Variants in CNTNAP5 observed in about 807,000 individuals in gnomAD.
CNTNAP5 encodes the protein contactin associated protein family member 5, also known as contactin-associated protein-like 5.
CNTNAP5 carries 72 observed loss-of-function variants against 150.2 expected under a neutral mutation model. That is an observed-to-expected ratio of 0.48 (90% CI 0.40 to 0.58). The LOEUF (loss-of-function observed/expected upper bound fraction) is 0.58. CNTNAP5 is among the 20% of genes least tolerant of loss of function. The pLI, the probability that CNTNAP5 is intolerant of heterozygous loss-of-function variation, is 0.00. For synonymous variants in CNTNAP5, 672 were observed against 619.8 expected, an observed-to-expected ratio of 1.08 and a Z score of -1.25; for missense variants, 1,636 against 1,626.2, an observed-to-expected ratio of 1.01 and a Z score of -0.10.
intron 1 of CNTNAP5, among the ~76,000 whole-genome samples, chr2:124,099,602 G>T (rs1196576453): frequency 6.6e-6 from 1 of 152,138 alleles, no homozygotes; most frequent in South Asian, 2.1e-4. Flanking sequence ...TTCTCGCATT[G>T]CCATAAAGAA....
At chr2:124,489,756 A>G (rs560537489) in intron 7 of CNTNAP5, among the ~76,000 whole-genome samples, 20 of 152,162 alleles carry the variant, frequency 1.3e-4, no homozygotes, top group East Asian at 1.9e-4. Context: ...GAGAGTCCCA[A>G]TAGGCTGCTG....
chr2:124,539,555 G>T (rs562084115), intron 10 of CNTNAP5, among the ~76,000 whole-genome samples: 1 of 152,258 alleles, frequency 6.6e-6, no homozygotes, highest in East Asian at 1.9e-4. Context: ...TCACTTCTTT[G>T]TATCTTAGCT....
intron 19 of CNTNAP5, among the ~76,000 whole-genome samples, chr2:124,799,470 C>T (rs1404590071): frequency 6.6e-6 from 1 of 152,170 alleles, no homozygotes; most frequent in East Asian, 1.9e-4. Flanking sequence ...AAGAATACAA[C>T]TTTCTTCCCT....
intron 13 of CNTNAP5, among the ~76,000 whole-genome samples, chr2:124,672,910 T>A (rs1678853379): frequency 6.6e-6 from 1 of 151,402 alleles, no homozygotes; most frequent in African/African-American, 2.4e-5. Flanking sequence ...TAATTAGAAG[T>A]GACTAAAAAG....
intron 13 of CNTNAP5, among the ~76,000 whole-genome samples, chr2:124,731,297 T>C (rs1047868693): frequency 1.3e-5 from 2 of 152,150 alleles, no homozygotes; most frequent in Non-Finnish European, 2.9e-5. Context: ...ACTTGATGCA[T>C]GTAGGTATTT....
At chr2:124,648,057 C>T in intron 13 of CNTNAP5, 99 bp downstream of exon 13, 2 of 1,036,154 alleles carry the variant, frequency 1.9e-6, no homozygotes, top group Non-Finnish European at 2.8e-6. Flanking sequence ...GCTATAGTTA[C>T]AGTTAGTCAC....
intron 1 of CNTNAP5, among the ~76,000 whole-genome samples, chr2:124,026,853 C>T (rs895493127): frequency 1.3e-5 from 2 of 152,148 alleles, no homozygotes; most frequent in Non-Finnish European, 1.5e-5. Context: ...ACCTTTCTAC[C>T]TCACTCTCCA....
chr2:124,396,335 C>T (rs1429182630), intron 3 of CNTNAP5, among the ~76,000 whole-genome samples: 1 of 152,092 alleles, frequency 6.6e-6, no homozygotes, highest in Non-Finnish European at 1.5e-5. Context: ...GCGTTAATTC[C>T]CTGCATTCGA....
intron 1 of CNTNAP5, among the ~76,000 whole-genome samples, chr2:124,197,483 T>C (rs1345132602): frequency 3.9e-5 from 6 of 152,224 alleles, no homozygotes; most frequent in Non-Finnish European, 8.8e-5. Context: ...ATTTATTTTA[T>C]TGGATATTTG....
At chr2:124,677,708 G>A (rs1678976279) in intron 13 of CNTNAP5, among the ~76,000 whole-genome samples, 1 of 151,254 alleles carries the variant, frequency 6.6e-6, no homozygotes, top group South Asian at 2.1e-4. Context: ...GACACAGAGT[G>A]CTGATTGGTG....
At chr2:124,463,857 T>C (rs1485755883) in intron 6 of CNTNAP5, among the ~76,000 whole-genome samples, 1 of 151,966 alleles carries the variant, frequency 6.6e-6, no homozygotes, top group Non-Finnish European at 1.5e-5. Flanking sequence ...GGGCTCTAGA[T>C]TGAAGGATGT....
At chr2:124,805,048 C>T (rs1372068604) in intron 19 of CNTNAP5, among the ~76,000 whole-genome samples, 2 of 151,974 alleles carry the variant, frequency 1.3e-5, no homozygotes, top group South Asian at 2.1e-4. Context: ...ATTAATACTC[C>T]TCTTTGTATG....
chr2:124,341,220 A>C (rs531838302), intron 3 of CNTNAP5, among the ~76,000 whole-genome samples: 1 of 152,256 alleles, frequency 6.6e-6, no homozygotes, highest in South Asian at 2.1e-4. Context: ...TTCCAAAAGA[A>C]GTTTGCCCAG....
chr2:124,734,813 A>C (rs1169921534), intron 13 of CNTNAP5, among the ~76,000 whole-genome samples: 1 of 152,206 alleles, frequency 6.6e-6, no homozygotes, highest in Middle Eastern at 3.2e-3. Flanking sequence ...ATTAGTGTTT[A>C]GCAATCCGTG....
At chr2:124,117,749 A>G (rs1683461650) in intron 1 of CNTNAP5, among the ~76,000 whole-genome samples, 1 of 152,144 alleles carries the variant, frequency 6.6e-6, no homozygotes, top group Admixed American at 6.5e-5. Context: ...ACTTAATTAA[A>G]TACCAATTTA....
chr2:124,302,273 AAAT>A (rs2104647170), intron 3 of CNTNAP5, among the ~76,000 whole-genome samples: 1 of 152,380 alleles, frequency 6.6e-6, no homozygotes, highest in South Asian at 2.1e-4. Flanking sequence ...ATAAATAAAT[AAAT>A]AAGTAAAAGC....
chr2:124,481,291 G>A (rs893343942), intron 7 of CNTNAP5, among the ~76,000 whole-genome samples: 3 of 152,158 alleles, frequency 2.0e-5, no homozygotes, highest in African/African-American at 7.2e-5. Context: ...ACATACTGGG[G>A]ATGAAATTTC....
rs114170096 is a variant in CNTNAP5 at position 124,199,979 on chromosome 2, T to C, written c.83-21726T>C. Among the ~76,000 whole-genome samples, 1,343 of 152,324 alleles carry C rather than the reference T, an allele frequency of 8.8e-3. 12 individuals carry two copies. Among genetic ancestry groups the C allele is most frequent in the East Asian group, 0.031 (160 of 5,170 alleles). Reference sequence around the variant, plus strand: ...AATTTTCTTTCTTTTTCTTGAATACTTTGCTGGCTCGGACCTCATTTGCAA... The same window carrying C: ...AATTTTCTTTCTTTTTCTTGAATACCTTGCTGGCTCGGACCTCATTTGCAA... On this transcript the variant is annotated intron_variant, in intron 1 of 23. Coordinates refer to ENST00000682447, the MANE Select transcript of CNTNAP5 (RefSeq NM_001367498.1).
intron 11 of CNTNAP5, among the ~76,000 whole-genome samples, chr2:124,607,346 C>T (rs1677263037): frequency 6.6e-6 from 1 of 152,150 alleles, no homozygotes; most frequent in Admixed American, 6.5e-5. Context: ...CTTCCAGGCT[C>T]ACTCCTGTGG....
Sources: allele counts gnomAD v4.1 joint callset (sites outside exome capture counted in the v4.1 genomes callset), GRCh38; gene constraint gnomAD v4.1.1; transcripts MANE v1.5; gene names NCBI Gene and HGNC (gene_info 2026-07-23, HGNC 2026-07-21).